The following FHIT variants were observed in gnomAD, a reference collection of about 807,000 sequenced individuals.
The protein encoded by FHIT is fragile histidine triad diadenosine triphosphatase, also known as bis(5'-adenosyl)-triphosphatase.
Under a neutral mutation model 17.9 loss-of-function variants are expected in FHIT, and 19 were observed. That is an observed-to-expected ratio of 1.06 (90% CI 0.74 to 1.56). The LOEUF (loss-of-function observed/expected upper bound fraction) is 1.56. Ranked by LOEUF, FHIT falls within the 40% of genes most tolerant of loss-of-function variation. FHIT has a pLI of 0.00. For missense variants in FHIT, 248 were observed against 189.2 expected, an observed-to-expected ratio of 1.31 and a Z score of -1.82; for synonymous variants, 81 against 69.7, an observed-to-expected ratio of 1.16 and a Z score of -0.81.
At chr3:60,292,228 A>T (rs929395407) in intron 5 of FHIT, among the ~76,000 whole-genome samples, 13 of 152,170 alleles carry the variant, frequency 8.5e-5, no homozygotes, top group Non-Finnish European at 1.8e-4. Context: ...TCAAAACAAA[A>T]TATTAAAAAC....
intron 4 of FHIT, among the ~76,000 whole-genome samples, chr3:60,789,126 G>T: frequency 7.0e-6 from 1 of 142,758 alleles, no homozygotes; most frequent in Non-Finnish European, 1.5e-5. Flanking sequence ...ATATAGATAT[G>T]TATATATAGA....
At chr3:61,175,929 G>T (rs1361327249) in intron 2 of FHIT, among the ~76,000 whole-genome samples, 1 of 152,210 alleles carries the variant, frequency 6.6e-6, no homozygotes, top group Non-Finnish European at 1.5e-5. Flanking sequence ...ACTAATCTAA[G>T]TTCCAAAACT....
rs563225227 is a variant in FHIT at position 59,946,949 on chromosome 3, T to C, written c.280-24535A>G. 2.6e-5 allele frequency among the ~76,000 whole-genome samples: 4 copies of C among 152,334 alleles called. No homozygotes were observed. The Middle Eastern group carries it at 0.01, about 389-fold the overall frequency. On this transcript the variant is annotated intron_variant, in intron 7 of 9. Transcript: ENST00000492590. ...TTGCGGATTTTTATATCTATGTTCA[T>C]CAAAGATACTGGCCTGAACTTTTCT...
rs11925681 is a variant in FHIT, at chr3:60,658,725, G to C, written c.-17-121746C>G. Among the ~76,000 whole-genome samples, 1,026 of 151,972 alleles carry C rather than the reference G, an allele frequency of 6.8e-3. 13 individuals are homozygous for C. Among genetic ancestry groups the C allele is most frequent in the African/African-American group, 0.022 (918 of 41,442 alleles). On this transcript the variant is annotated intron_variant, in intron 4 of 9. Transcript: ENST00000492590. ...ACAAACCAAAGTTACAATAATACTAGCTTTTAGACTAATAATTTAAAAAAA... is the reference window on the plus strand; with the variant it reads ...ACAAACCAAAGTTACAATAATACTACCTTTTAGACTAATAATTTAAAAAAA...
intron 8 of FHIT, among the ~76,000 whole-genome samples, chr3:59,809,034 T>C (rs1700313111): frequency 1.3e-5 from 2 of 152,196 alleles, no homozygotes; most frequent in South Asian, 4.1e-4. Flanking sequence ...GGAAATCATG[T>C]TAGAACTACA....
chr3:61,046,452 T>C (rs1444848703), intron 2 of FHIT, among the ~76,000 whole-genome samples: 1 of 152,074 alleles, frequency 6.6e-6, no homozygotes, highest in East Asian at 1.9e-4. Flanking sequence ...AGAAGTTGAA[T>C]CTCTGAATAG....
intron 4 of FHIT, among the ~76,000 whole-genome samples, chr3:60,627,333 T>C (rs1188364548): frequency 6.6e-6 from 1 of 152,196 alleles, no homozygotes; most frequent in Non-Finnish European, 1.5e-5. Flanking sequence ...AAAATATATA[T>C]TCAGTCTTTT....
intron 5 of FHIT, among the ~76,000 whole-genome samples, chr3:60,061,985 A>G (rs1702312868): frequency 6.6e-6 from 1 of 152,162 alleles, no homozygotes; most frequent in Non-Finnish European, 1.5e-5. Flanking sequence ...AAGGGGAAAA[A>G]ATGAAGATAC....
At chr3:60,977,265 T>C (rs1223874818) in intron 3 of FHIT, among the ~76,000 whole-genome samples, 1 of 152,066 alleles carries the variant, frequency 6.6e-6, no homozygotes, top group East Asian at 1.9e-4. Context: ...TGAACCTGGG[T>C]GGTGAAGAGC....
intron 5 of FHIT, among the ~76,000 whole-genome samples, chr3:60,276,825 T>C (rs1707161833): frequency 6.6e-6 from 1 of 151,374 alleles, no homozygotes; most frequent in Non-Finnish European, 1.5e-5. Flanking sequence ...AGAGAGAGAG[T>C]AGAGGAAGTC....
intron 5 of FHIT, among the ~76,000 whole-genome samples, chr3:60,359,697 T>G (rs6765124): frequency 0.098 from 14,977 of 152,214 alleles, 2,446 homozygotes; most frequent in African/African-American, 0.34. Flanking sequence ...GTATTTATCA[T>G]CTGGGCTTTA....
chr3:60,031,779 G>A (rs1397547657), intron 5 of FHIT, among the ~76,000 whole-genome samples: 1 of 152,162 alleles, frequency 6.6e-6, no homozygotes, highest in Non-Finnish European at 1.5e-5. Context: ...AGGCTTAGCA[G>A]AGGGTGCATG....
At chr3:60,241,411 C>T (rs1274884332) in intron 5 of FHIT, among the ~76,000 whole-genome samples, 2 of 152,104 alleles carry the variant, frequency 1.3e-5, no homozygotes, top group Non-Finnish European at 1.5e-5. Flanking sequence ...ATTTTAAGTA[C>T]TGTCCCCTAA....
intron 5 of FHIT, among the ~76,000 whole-genome samples, chr3:60,494,526 C>T (rs117427048): frequency 0.019 from 2,891 of 152,114 alleles, 55 homozygotes; most frequent in South Asian, 0.05. Flanking sequence ...TTATTGACTA[C>T]AGTCACTCCG....
intron 5 of FHIT, among the ~76,000 whole-genome samples, chr3:60,453,662 A>C (rs1413894104): frequency 6.6e-6 from 1 of 152,158 alleles, no homozygotes; most frequent in African/African-American, 2.4e-5. Flanking sequence ...TAATCTCTTC[A>C]CCACCTGGAA....
chr3:59,877,179 T>C (rs914209809), intron 8 of FHIT, among the ~76,000 whole-genome samples: 6 of 152,224 alleles, frequency 3.9e-5, no homozygotes, highest in Non-Finnish European at 8.8e-5. Flanking sequence ...CCATTCATTA[T>C]CTCAAAGGTG....
At chr3:60,090,044 A>G (rs567952531) in intron 5 of FHIT, among the ~76,000 whole-genome samples, 1 of 152,290 alleles carries the variant, frequency 6.6e-6, no homozygotes, top group East Asian at 1.9e-4. Flanking sequence ...TGAATTCTTA[A>G]TTCCTAATAC....
At chr3:60,506,048 T>C (rs2034715448) in intron 5 of FHIT, among the ~76,000 whole-genome samples, 1 of 152,166 alleles carries the variant, frequency 6.6e-6, no homozygotes, top group Admixed American at 6.5e-5. Flanking sequence ...ACTTTATCAT[T>C]AGTCTTATTT....
At chr3:60,492,055 C>A (rs563278207) in intron 5 of FHIT, among the ~76,000 whole-genome samples, 4 of 152,290 alleles carry the variant, frequency 2.6e-5, no homozygotes, top group African/African-American at 7.2e-5. Flanking sequence ...ATGTTGACAT[C>A]TCGGACATAA....
Sources: gnomAD v4.1 joint callset for allele counts (sites outside exome capture counted in the v4.1 genomes callset) on GRCh38, gnomAD v4.1.1 for gene constraint, MANE v1.5 for transcripts, NCBI Gene and HGNC (gene_info 2026-07-23, HGNC 2026-07-21) for gene names.